Variants in CDH19 observed in about 807,000 individuals in gnomAD.
CDH19 encodes the protein cadherin-19.
A neutral mutation model predicts 64.2 loss-of-function variants in CDH19; 67 were observed. The ratio of observed to expected loss-of-function variants is 1.04; its 90% CI spans 0.86 to 1.28. The LOEUF is 1.28. CDH19 is among the 50% of genes most tolerant of loss of function. The pLI, the probability that CDH19 is intolerant of heterozygous loss-of-function variation, is 0.00. For synonymous variants in CDH19, 346 were observed against 319.3 expected (o/e 1.08, Z -0.89); for missense variants, 1,030 against 929.0 (o/e 1.11, Z -1.41).
intron 9 of CDH19, among the ~76,000 whole-genome samples, chr18:66,515,060 T>G (rs1304243676): frequency 6.6e-6 from 1 of 151,684 alleles, no homozygotes; most frequent in Non-Finnish European, 1.5e-5. Context: ...AAATACTGAG[T>G]ATTAATTTAT....
At chr18:66,597,630 C>T (rs1402833548) in intron 1 of CDH19, among the ~76,000 whole-genome samples, 1 of 152,116 alleles carries the variant, frequency 6.6e-6, no homozygotes, top group Non-Finnish European at 1.5e-5. Flanking sequence ...AGCTTCTGCA[C>T]AGCAAAAGAA....
At chr18:66,537,960 A>T (rs752864459) in intron 7 of CDH19, among the ~76,000 whole-genome samples, 8 of 152,106 alleles carry the variant, frequency 5.3e-5, no homozygotes, top group African/African-American at 7.2e-5. Context: ...ATTTCAATCC[A>T]GTGTGACACC....
chr18:66,594,321 C>T (rs1481275973), intron 1 of CDH19, among the ~76,000 whole-genome samples: 1 of 152,070 alleles, frequency 6.6e-6, no homozygotes, highest in Non-Finnish European at 1.5e-5. Context: ...AATTGGGAGA[C>T]TTTAACACCC....
intron 8 of CDH19, among the ~76,000 whole-genome samples, chr18:66,534,544 T>C (rs1200485848): frequency 6.6e-6 from 1 of 152,052 alleles, no homozygotes; most frequent in African/African-American, 2.4e-5. Flanking sequence ...GACTAAGTAA[T>C]GGAAATGACT....
intron 6 of CDH19, 79 bp from the exon 7 acceptor site, chr18:66,544,303 T>A: frequency 7.3e-7 from 1 of 1,363,290 alleles, no homozygotes. Context: ...TTTTACCTGT[T>A]AAATTAAGTC....
Position 66,501,658 on chromosome 18 carries a change from T to C in CDH19, c.*3154A>G, listed in dbSNP as rs2144313063. 6.6e-6 allele frequency: 1 copy of C among 152,260 alleles called. No homozygotes were observed. Among genetic ancestry groups the C allele is most frequent in the African/African-American group, 2.4e-5 (1 of 41,562 alleles). 9.4% of individuals were successfully genotyped at this position (152,260 alleles called of 1,614,324 possible). A position where few individuals can be genotyped will look rare whatever the true frequency, so the allele number is the denominator to read the frequency against. ...CCAATAGAATACCATTAGCTGTTGT[T>C]ATAATAATTCACTGTTATTTATTGA... is the stretch of plus-strand genomic sequence containing the variant. On this transcript the variant is annotated 3_prime_UTR_variant, in exon 12 of 12. Coordinates refer to ENST00000262150, the MANE Select transcript of CDH19 (RefSeq NM_021153.4).
rs576589335 is a variant in CDH19 at position 66,552,837 on chromosome 18, G to T, written c.610+1568C>A. The stretch of plus-strand genomic sequence containing the variant: ...AAGAAAACATGGTCACGAAGGCCTG[G>T]TATGACCCAGCATGGGTTTGTACTC... On this transcript the variant is annotated intron_variant, in intron 4 of 11. Transcript: ENST00000262150. Among the ~76,000 whole-genome samples, 36 of 133,842 alleles carry T rather than the reference G, an allele frequency of 2.7e-4. 10 individuals carry two copies. The South Asian group carries it at 8.1e-3, about 30-fold the overall frequency. 87.8% of individuals were successfully genotyped at this position (133,842 alleles called of 152,430 possible). A position where few individuals can be genotyped will look rare whatever the true frequency, so the allele number is the denominator to read the frequency against.
chr18:66,562,480 G>C (rs2144551201), intron 3 of CDH19, among the ~76,000 whole-genome samples: 1 of 152,044 alleles, frequency 6.6e-6, no homozygotes, highest in East Asian at 1.9e-4. Flanking sequence ...ATGAGGAGCG[G>C]CTGTAAATAC....
At chr18:66,544,999 G>T in intron 5 of CDH19, 96 bp from the exon 6 acceptor site, 1 of 942,628 alleles carries the variant, frequency 1.1e-6, no homozygotes, top group East Asian at 2.8e-5. Context: ...GTTTTTTCGA[G>T]ACGGAGTCTC....
chr18:66,525,158 T>A (rs963059662), intron 9 of CDH19, among the ~76,000 whole-genome samples: 1 of 152,184 alleles, frequency 6.6e-6, no homozygotes, highest in African/African-American at 2.4e-5. Context: ...CTAAATAGAA[T>A]GCTCTTCAGA....
chr18:66,581,127 C>T (rs1387292575), intron 1 of CDH19, among the ~76,000 whole-genome samples: 2 of 152,054 alleles, frequency 1.3e-5, no homozygotes, highest in Admixed American at 6.6e-5. Context: ...TGAAGAAATG[C>T]TAATACTATG....
At chr18:66,590,811 G>T (rs978413768) in intron 1 of CDH19, among the ~76,000 whole-genome samples, 1 of 151,894 alleles carries the variant, frequency 6.6e-6, no homozygotes, top group African/African-American at 2.4e-5. Flanking sequence ...AAAGCATGGT[G>T]AGCCTGCTGT....
intron 9 of CDH19, among the ~76,000 whole-genome samples, chr18:66,517,107 A>C (rs1479223289): frequency 2.0e-5 from 3 of 152,092 alleles, no homozygotes; most frequent in Admixed American, 6.6e-5. Context: ...AGCTTAAAAC[A>C]GAAAAATCAG....
chr18:66,554,737 A>G (rs969800508), intron 3 of CDH19, among the ~76,000 whole-genome samples: 1 of 151,864 alleles, frequency 6.6e-6, no homozygotes, highest in South Asian at 2.1e-4. Flanking sequence ...AAATATTCCT[A>G]ATTCCTGTAT....
At chr18:66,521,918 G>GTTTTTT (rs71169150) in intron 9 of CDH19, among the ~76,000 whole-genome samples, 3 of 59,506 alleles carry the variant, frequency 5.0e-5, no homozygotes, top group South Asian at 8.4e-4. Context: ...TACTTGTTCT[G>GTTTTTT]TTGTTGTTGT....
intron 1 of CDH19, among the ~76,000 whole-genome samples, chr18:66,595,763 C>G (rs1028834165): frequency 6.6e-6 from 1 of 152,080 alleles, no homozygotes; most frequent in African/African-American, 2.4e-5. Context: ...ATCAATTTTA[C>G]TGAAACTATT....
chr18:66,572,889 T>C (rs992065341), intron 1 of CDH19, among the ~76,000 whole-genome samples: 1 of 151,726 alleles, frequency 6.6e-6, no homozygotes, highest in Admixed American at 6.6e-5. Flanking sequence ...ATATTTACTC[T>C]TTTTTAATTT....
rs936439709 is a variant in CDH19 at position 66,562,223 on chromosome 18, T to C, written c.490+6193A>G. On this transcript the variant is annotated intron_variant, in intron 3 of 11. Transcript: ENST00000262150. ...ACTATTACTACATTGTAATATATAATAAAATAACTACACAACTCACCATAA... is the reference window on the plus strand; with the variant it reads ...ACTATTACTACATTGTAATATATAACAAAATAACTACACAACTCACCATAA... Among the ~76,000 whole-genome samples the C allele has an allele frequency of 2.6e-5, 4 of 151,658 alleles. No homozygotes were observed. In the Admixed American group the frequency reaches 2.6e-4, roughly 10 times the overall value.
intron 5 of CDH19, among the ~76,000 whole-genome samples, chr18:66,545,603 T>C (rs1210846579): frequency 6.6e-6 from 1 of 152,172 alleles, no homozygotes; most frequent in African/African-American, 2.4e-5. Context: ...TATTTTTTAT[T>C]GTAACCTTCA....
Sources: gnomAD v4.1 joint callset for allele counts (sites outside exome capture counted in the v4.1 genomes callset) on GRCh38, gnomAD v4.1.1 for gene constraint, MANE v1.5 for transcripts, NCBI Gene and HGNC (gene_info 2026-07-23, HGNC 2026-07-21) for gene names.